The following TTC34 variants were observed in gnomAD, a reference collection of about 807,000 sequenced individuals.
The protein encoded by TTC34 is tetratricopeptide repeat protein 34.
Under a neutral mutation model 40.7 loss-of-function variants are expected in TTC34, and 44 were observed. That is an observed-to-expected ratio of 1.08 (90% CI 0.85 to 1.39). TTC34 has a LOEUF of 1.39. Ranked by LOEUF, TTC34 falls within the 40% of genes most tolerant of loss-of-function variation. The pLI is 0.00. For synonymous variants in TTC34, 422 were observed against 398.6 expected (o/e 1.06, Z -0.70); for missense variants, 884 against 838.0 (o/e 1.05, Z -0.68).
At chr1:2,790,089 G>A (rs1048828851) in exon 3 of TTC34, 1 of 397,956 alleles carries the variant, frequency 2.5e-6, no homozygotes, top group Admixed American at 4.4e-5. Context: ...AGCAGCTCGC[G>A]GCCCGCATCC....
intron 2 of TTC34, among the ~76,000 whole-genome samples, chr1:2,791,790 TC>T (rs1032138385): frequency 6.6e-6 from 1 of 152,038 alleles, no homozygotes; most frequent in African/African-American, 2.4e-5. Flanking sequence ...TTATTTATGT[TC>T]CCACGTGAAA....
intron 6 of TTC34, among the ~76,000 whole-genome samples, chr1:2,677,688 TACG>T (rs1639961469): frequency 5.9e-5 from 1 of 16,838 alleles, no homozygotes; most frequent in South Asian, 1.9e-3. Context: ...ACAGCACCCA[TACG>T]CCCAGATGAG....
chr1:2,753,046 CA>C (rs1641377263), intron 6 of TTC34, among the ~76,000 whole-genome samples: 1 of 150,796 alleles, frequency 6.6e-6, no homozygotes, highest in African/African-American at 2.4e-5. Flanking sequence ...CCTGGAGCAG[CA>C]CCCACACCCC....
At chr1:2,648,418 C>T (rs544015684) in intron 6 of TTC34, among the ~76,000 whole-genome samples, 1 of 152,334 alleles carries the variant, frequency 6.6e-6, no homozygotes, top group South Asian at 2.1e-4. Flanking sequence ...AGGGTGTGGC[C>T]TTTCTGGGGT....
intron 6 of TTC34, among the ~76,000 whole-genome samples, chr1:2,782,720 G>A (rs560115798): frequency 2.8e-4 from 42 of 152,206 alleles, no homozygotes; most frequent in Non-Finnish European, 4.9e-4. Flanking sequence ...CTAACTTCTC[G>A]AAGTGTGATT....
chr1:2,690,932 A>C (rs796960516), intron 6 of TTC34, among the ~76,000 whole-genome samples: 7 of 13,942 alleles, frequency 5.0e-4, no homozygotes, highest in African/African-American at 1.2e-3. Flanking sequence ...CCTGGAACAG[A>C]ACCCACACCT....
chr1:2,756,937 G>C (rs1641526233), intron 6 of TTC34, among the ~76,000 whole-genome samples: 1 of 151,896 alleles, frequency 6.6e-6, no homozygotes, highest in East Asian at 1.9e-4. Context: ...GCCTGGAACA[G>C]AACCCACACC....
rs906333620 is a variant in TTC34, at chr1:2,793,184, T to A, written c.785-2838A>T. On this transcript the variant is annotated intron_variant, in intron 2 of 8. Coordinates refer to ENST00000401095, the Ensembl canonical transcript of TTC34. ...ATGACTAGTGAGGTTTACTTATTAA[T>A]TTTTTTCCCCAATCTGGTGGGTGGA... Among the ~76,000 whole-genome samples the A allele has an allele frequency of 1.1e-4, 16 of 152,316 alleles. No individual in the cohort carries two copies. The East Asian group carries it at 2.5e-3, about 24-fold the overall frequency.
intron 2 of TTC34, among the ~76,000 whole-genome samples, chr1:2,792,611 T>C (rs1466597062): frequency 6.6e-6 from 1 of 152,228 alleles, no homozygotes; most frequent in Non-Finnish European, 1.5e-5. Flanking sequence ...GAAGTCTCCA[T>C]TTAGCTTTTG....
intron 6 of TTC34, among the ~76,000 whole-genome samples, chr1:2,694,849 ATGGTCTGGAGCAG>A (rs1640786113): frequency 3.5e-5 from 3 of 85,972 alleles, no homozygotes; most frequent in Admixed American, 1.2e-4. Context: ...TGAGCATCTG[ATGGTCTGGAGCAG>A]CACCCACAAC....
chr1:2,696,313 T>A (rs1337464526), intron 6 of TTC34, among the ~76,000 whole-genome samples: 2 of 91,074 alleles, frequency 2.2e-5, no homozygotes, highest in African/African-American at 4.3e-5. Flanking sequence ...AACAGCACCC[T>A]GCACCCCCAG....
In TTC34 at chr1:2,683,942, C is replaced by T. The variant is rs1255986390; in HGVS notation, c.2227-38379G>A. On this transcript the variant is annotated intron_variant, in intron 6 of 8. Coordinates refer to ENST00000401095, the Ensembl canonical transcript of TTC34. ...CAGGTGAGCATCTGATGGTCTGGAG[C>T]AGTACCCACACCCACAGTTGAGCAT... Among the ~76,000 whole-genome samples the T allele has an allele frequency of 3.8e-4, 22 of 57,696 alleles. No homozygotes were observed. The East Asian group carries it at 9.5e-3, about 25-fold the overall frequency. The allele number at this position is 57,696 out of a possible 152,430, so 37.9% of individuals were successfully genotyped here. A position where few individuals can be genotyped will look rare whatever the true frequency, so the allele number is the denominator to read the frequency against.
intron 6 of TTC34, among the ~76,000 whole-genome samples, chr1:2,692,154 A>C (rs1323003680): frequency 7.2e-5 from 4 of 55,900 alleles, no homozygotes; most frequent in East Asian, 5.3e-4. Context: ...ACCCCAGGCG[A>C]GCATCTGACG....
At position 2,796,205 on chromosome 1, in the gene TTC34, A is replaced by G. The variant is rs1643708904; in HGVS notation, c.784+3839T>C. Among the ~76,000 whole-genome samples the G allele has an allele frequency of 6.6e-6, 1 of 152,088 alleles. No homozygotes were observed. Among genetic ancestry groups the G allele is most frequent in the African/African-American group, 2.4e-5 (1 of 41,410 alleles). On this transcript the variant is annotated intron_variant, in intron 2 of 8. Transcript: ENST00000401095. The surrounding 1 kb of genome is among the most constrained non-coding windows in gnomAD (Gnocchi z 4.5). Reference sequence around the variant, plus strand: ...GCTCATTCATTTCTACTCATTATGGATCACCCAGCCCGTGGCATTCTGTCA... The same window carrying G: ...GCTCATTCATTTCTACTCATTATGGGTCACCCAGCCCGTGGCATTCTGTCA...
intron 6 of TTC34, among the ~76,000 whole-genome samples, chr1:2,700,373 C>A (rs1162602024): frequency 8.6e-6 from 1 of 116,480 alleles, no homozygotes; most frequent in African/African-American, 2.7e-5. Context: ...GCGCCCACAA[C>A]CCCAGGTGAG....
rs1639000092 is a variant in TTC34 at position 2,645,409 on chromosome 1, G to T, written c.2381C>A (p.Ala794Asp). Residue 794 changes from alanine (A) to aspartate (D), a missense_variant, in exon 7 of 9, where the codon GCC (alanine) becomes GAC (aspartate). By Grantham distance (126) the Ala-to-Asp change is moderately radical. Transcript: ENST00000401095. The surrounding 1 kb of genome is among the most constrained non-coding windows in gnomAD (Gnocchi z 4.7). ...CTGGGTGTCCTTGTCCTCGAGAGGG[G>T]CCCCAGTGTCTGGCAGCTGGCTCAG... The T allele has an allele frequency of 2.6e-6, 4 of 1,535,798 alleles. No homozygotes were observed. Among genetic ancestry groups the T allele is most frequent in the South Asian group, 2.4e-5 (2 of 84,038 alleles).
chr1:2,690,411 A>G lies in TTC34; in HGVS notation c.2227-44848T>C, dbSNP rs771045287. Among the ~76,000 whole-genome samples, 3 of 54,718 alleles carry G rather than the reference A, an allele frequency of 5.5e-5. 1 individual carries two copies. Among genetic ancestry groups the G allele is most frequent in the Admixed American group, 5.1e-4 (3 of 5,938 alleles). The allele number at this position is 54,718 out of a possible 152,430, so 35.9% of individuals were successfully genotyped here. A position where few individuals can be genotyped will look rare whatever the true frequency, so the allele number is the denominator to read the frequency against. ...GCGAGCATCTGACCCAACGGAGCAG[A>G]ACCCAGAACCCCAGGCGAGCATCTG... is the stretch of plus-strand genomic sequence containing the variant. On this transcript the variant is annotated intron_variant, in intron 6 of 8. Transcript: ENST00000401095.
chr1:2,795,054 A>G (rs1424382387), intron 2 of TTC34, among the ~76,000 whole-genome samples: 1 of 151,442 alleles, frequency 6.6e-6, no homozygotes. Flanking sequence ...ACAACAATCA[A>G]GCCTGGGCAA....
intron 6 of TTC34, among the ~76,000 whole-genome samples, chr1:2,752,790 G>T (rs1452660132): frequency 1.6e-5 from 2 of 126,740 alleles, no homozygotes; most frequent in South Asian, 2.8e-4. Context: ...ATAAGCATGT[G>T]ACAGCCTGGA....
Sources: gnomAD v4.1 joint callset for allele counts (sites outside exome capture counted in the v4.1 genomes callset) on GRCh38, gnomAD v4.1.1 for gene constraint, Gnocchi (gnomAD v3.1) non-coding constraint, MANE v1.5 for transcripts, NCBI Gene and HGNC (gene_info 2026-07-23, HGNC 2026-07-21) for gene names.